SAMTOR: variants seen among roughly 807,000 people sequenced by gnomAD.
SAMTOR encodes UPF0532 protein C7orf60.
the SAMTOR span, among the ~76,000 whole-genome samples, chr7:112,831,304 T>C: frequency 3.0e-4 from 46 of 152,220 alleles, no homozygotes; most frequent in African/African-American, 1.1e-3. Context: ...TTTAGAGTTA[T>C]CTATCTTTAA....
the SAMTOR span, among the ~76,000 whole-genome samples, chr7:112,840,583 G>A: frequency 2.0e-5 from 3 of 151,638 alleles, no homozygotes; most frequent in Admixed American, 2.0e-4. Context: ...TTGTCTGTGT[G>A]AGGCAAGACA....
the SAMTOR span, chr7:112,939,270 C>T: frequency 2.8e-6 from 1 of 356,110 alleles, no homozygotes; most frequent in East Asian, 5.5e-5. Flanking sequence ...CCCACCTCCT[C>T]TGTGAGCGTG....
At chr7:112,902,426 AAACAAAAAAAAAC>A in the SAMTOR span, among the ~76,000 whole-genome samples, 6 of 100,562 alleles carry the variant, frequency 6.0e-5, 1 homozygote, top group Non-Finnish European at 9.7e-5. Flanking sequence ...CAAAAAAAAA[AAACAAAAAAAAAC>A]AAAAAAAAAC....
chr7:112,876,235 C>G, the SAMTOR span, among the ~76,000 whole-genome samples: 1 of 152,132 alleles, frequency 6.6e-6, no homozygotes, highest in Non-Finnish European at 1.5e-5. Context: ...GCTAGAATTA[C>G]AGGCATGCAC....
chr7:112,882,114 A>C, the SAMTOR span, among the ~76,000 whole-genome samples: 1 of 152,214 alleles, frequency 6.6e-6, no homozygotes, highest in Admixed American at 6.5e-5. Flanking sequence ...TGGATCCAGC[A>C]GCAGGCTTGT....
At chr7:112,907,833 T>TCCTA in the SAMTOR span, among the ~76,000 whole-genome samples, 2 of 129,998 alleles carry the variant, frequency 1.5e-5, no homozygotes, top group Non-Finnish European at 3.3e-5. Context: ...AAATGGGTAT[T>TCCTA]CTTACTTACT....
chr7:112,926,272 C>T, the SAMTOR span, among the ~76,000 whole-genome samples: 12 of 152,302 alleles, frequency 7.9e-5, no homozygotes, highest in African/African-American at 2.6e-4. Flanking sequence ...GTTAGAAATT[C>T]TTAGAGTCCT....
chr7:112,827,577 A>G, the SAMTOR span, among the ~76,000 whole-genome samples: 1 of 152,154 alleles, frequency 6.6e-6, no homozygotes, highest in Non-Finnish European at 1.5e-5. Context: ...TCCACGTTCA[A>G]GTCCTTTATA....
At chr7:112,883,603 A>G in the SAMTOR span, among the ~76,000 whole-genome samples, 1 of 152,188 alleles carries the variant, frequency 6.6e-6, no homozygotes, top group African/African-American at 2.4e-5. Flanking sequence ...TCTCAAACTG[A>G]CTACTGGTAA....
the SAMTOR span, among the ~76,000 whole-genome samples, chr7:112,923,188 G>C: frequency 6.6e-6 from 1 of 152,142 alleles, no homozygotes; most frequent in Non-Finnish European, 1.5e-5. Context: ...CCCTAACCCT[G>C]TGCTCTCTGA....
chr7:112,939,697 G>T, the SAMTOR span: 5 of 1,611,842 alleles, frequency 3.1e-6, no homozygotes, highest in Non-Finnish European at 3.4e-6. Flanking sequence ...GAGTGTTCGG[G>T]GACCCGGCCC....
chr7:112,938,281 ACT>A, the SAMTOR span, among the ~76,000 whole-genome samples: 4 of 152,070 alleles, frequency 2.6e-5, no homozygotes, highest in East Asian at 5.8e-4. Context: ...GTCTGATAAG[ACT>A]CTTTCTATTG....
the SAMTOR span, among the ~76,000 whole-genome samples, chr7:112,876,850 T>C: frequency 2.0e-4 from 30 of 152,310 alleles, no homozygotes; most frequent in African/African-American, 7.0e-4. Flanking sequence ...TACTTATACG[T>C]CTTTGTTAAT....
chr7:112,939,509 C>A, the SAMTOR span: 2 of 1,599,272 alleles, frequency 1.3e-6, no homozygotes, highest in Non-Finnish European at 1.7e-6. Context: ...TTAATGGTGG[C>A]CTCTTTGGAG....
chr7:112,856,835 T>A, the SAMTOR span, among the ~76,000 whole-genome samples: 1 of 152,190 alleles, frequency 6.6e-6, no homozygotes, highest in Non-Finnish European at 1.5e-5. Context: ...AATCAGAAAT[T>A]AAACAATATT....
chr7:112,848,960 A>G, the SAMTOR span, among the ~76,000 whole-genome samples: 1 of 152,102 alleles, frequency 6.6e-6, no homozygotes, highest in South Asian at 2.1e-4. Flanking sequence ...GAGGCAAGAG[A>G]ATTGCTTTAA....
At chr7:112,932,783 G>A in the SAMTOR span, among the ~76,000 whole-genome samples, 28 of 152,276 alleles carry the variant, frequency 1.8e-4, no homozygotes, top group African/African-American at 6.0e-4. Flanking sequence ...TTGTGGGGAT[G>A]GGGTTTGTGA....
the SAMTOR span, among the ~76,000 whole-genome samples, chr7:112,908,418 C>A: frequency 6.6e-6 from 1 of 152,190 alleles, no homozygotes; most frequent in Non-Finnish European, 1.5e-5. Flanking sequence ...ACCTTCAGCA[C>A]TCATGGATTG....
At chr7:112,888,357 T>C in the SAMTOR span, among the ~76,000 whole-genome samples, 2 of 152,188 alleles carry the variant, frequency 1.3e-5, no homozygotes, top group Admixed American at 6.5e-5. Context: ...TATGGTAGCA[T>C]ACTTGGTGAA....
Sources: gnomAD v4.1 joint callset for allele counts (sites outside exome capture counted in the v4.1 genomes callset) on GRCh38, gnomAD v4.1.1 for gene constraint, MANE v1.5 for transcripts, NCBI Gene and HGNC (gene_info 2026-07-23, HGNC 2026-07-21) for gene names.